The following HMGCLL1 variants were observed in gnomAD, a reference collection of about 807,000 sequenced individuals.
HMGCLL1 encodes the protein 3-hydroxymethyl-3-methylglutaryl-CoA lyase, cytoplasmic.
Under a neutral mutation model 39.1 loss-of-function variants are expected in HMGCLL1, and 36 were observed. That is an observed-to-expected ratio of 0.92 (90% CI 0.71 to 1.22). The LOEUF (loss-of-function observed/expected upper bound fraction) is 1.22, where lower values mean the gene tolerates loss of function less well. Ranked by LOEUF, HMGCLL1 falls within the 50% of genes most tolerant of loss-of-function variation. The probability of loss-of-function intolerance (pLI) is 0.00; values close to 1 mark genes in which losing one functional copy is unlikely to be tolerated. For synonymous variants in HMGCLL1, 149 were observed against 144.0 expected (o/e 1.03, Z -0.25); for missense variants, 451 against 416.5 (o/e 1.08, Z -0.72).
At chr6:55,656,208 C>T in the HMGCLL1 span, among the ~76,000 whole-genome samples, 1 of 151,862 alleles carries the variant, frequency 6.6e-6, no homozygotes, top group East Asian at 1.9e-4. Context: ...TTACCTAATT[C>T]ATTTCACAAG....
chr6:55,450,057 C>G (rs4276491), intron 7 of HMGCLL1, among the ~76,000 whole-genome samples: 10,170 of 152,054 alleles, frequency 0.067, 419 homozygotes, highest in East Asian at 0.17. Context: ...AGGTTCAAAT[C>G]CTGGGTTTTG....
chr6:55,516,832 G>A lies in HMGCLL1; in HGVS notation c.298-229C>T, dbSNP rs182928084. Among the ~76,000 whole-genome samples the A allele has an allele frequency of 2.6e-3, 390 of 152,140 alleles. 1 individual carries two copies. The highest frequency in any genetic ancestry group is 9.0e-3 in the African/African-American group (376 of 41,570). Reference sequence around the variant, plus strand: ...TACAGAATGGGATCTTGTAAAATGAGTTATTACAGATAGGAATTCGGAACT... The same window carrying A: ...TACAGAATGGGATCTTGTAAAATGAATTATTACAGATAGGAATTCGGAACT... On this transcript the variant is annotated intron_variant, in intron 3 of 8. Coordinates refer to ENST00000274901, the MANE Select transcript of HMGCLL1 (RefSeq NM_001042406.2).
chr6:55,539,389 T>C (rs535297022), intron 3 of HMGCLL1, among the ~76,000 whole-genome samples: 1 of 152,100 alleles, frequency 6.6e-6, no homozygotes, highest in Non-Finnish European at 1.5e-5. Context: ...CACATGCATG[T>C]GAATGTTCAT....
upstream of HMGCLL1, among the ~76,000 whole-genome samples, chr6:55,583,812 G>A (rs4715555): frequency 0.67 from 102,197 of 151,972 alleles, 35,281 homozygotes; most frequent in East Asian, 0.9. Context: ...TGGTGGTGCT[G>A]AGATTTGTTT....
At chr6:55,522,827 A>C (rs114030072) in intron 3 of HMGCLL1, among the ~76,000 whole-genome samples, 2 of 152,012 alleles carry the variant, frequency 1.3e-5, no homozygotes, top group South Asian at 4.1e-4. Flanking sequence ...GAAATTATTC[A>C]GTGTGTTTTT....
At chr6:55,598,618 A>T in the HMGCLL1 span, among the ~76,000 whole-genome samples, 1 of 152,230 alleles carries the variant, frequency 6.6e-6, no homozygotes, top group Non-Finnish European at 1.5e-5. Flanking sequence ...CTTTGTAGTC[A>T]TACCTCACAA....
chr6:55,651,020 T>G, the HMGCLL1 span, among the ~76,000 whole-genome samples: 1 of 152,048 alleles, frequency 6.6e-6, no homozygotes, highest in African/African-American at 2.4e-5. Context: ...AGAGCCTGCT[T>G]GTTGGTCTAT....
At chr6:55,511,792 T>G (rs1767476914) in intron 5 of HMGCLL1, among the ~76,000 whole-genome samples, 1 of 152,102 alleles carries the variant, frequency 6.6e-6, no homozygotes, top group South Asian at 2.1e-4. Context: ...AATAAGATAT[T>G]TTCAACTACA....
chr6:55,557,148 G>A (rs1185842376), intron 1 of HMGCLL1, among the ~76,000 whole-genome samples: 1 of 152,028 alleles, frequency 6.6e-6, no homozygotes, highest in African/African-American at 2.4e-5. Flanking sequence ...CCCCCAAACT[G>A]AGAATTCATC....
intron 3 of HMGCLL1, among the ~76,000 whole-genome samples, chr6:55,530,387 C>A (rs1056010207): frequency 2.6e-5 from 4 of 151,700 alleles, no homozygotes; most frequent in Admixed American, 1.3e-4. Context: ...CAAAATATAT[C>A]TTATATATTA....
the HMGCLL1 span, among the ~76,000 whole-genome samples, chr6:55,662,024 C>T: frequency 1.5e-4 from 22 of 151,664 alleles, no homozygotes; most frequent in Admixed American, 6.6e-4. Context: ...TAATGATTTT[C>T]GTATGTTGAT....
chr6:55,467,087 A>G (rs1051289069), intron 7 of HMGCLL1, among the ~76,000 whole-genome samples: 4 of 152,006 alleles, frequency 2.6e-5, no homozygotes, highest in Admixed American at 2.0e-4. Flanking sequence ...CCGTGGCCTT[A>G]CCATAATGTC....
At chr6:55,483,582 G>A (rs1223316345) in intron 7 of HMGCLL1, among the ~76,000 whole-genome samples, 2 of 152,100 alleles carry the variant, frequency 1.3e-5, no homozygotes, top group South Asian at 4.1e-4. Flanking sequence ...TTTATTAAAG[G>A]ACTAAGGCGT....
intron 1 of HMGCLL1, among the ~76,000 whole-genome samples, chr6:55,542,921 T>C (rs1444489772): frequency 7.7e-6 from 1 of 129,790 alleles, no homozygotes; most frequent in East Asian, 2.2e-4. Context: ...GTTATTAGAT[T>C]GTTATTATAT....
At chr6:55,440,988 A>G (rs919057808) in intron 7 of HMGCLL1, among the ~76,000 whole-genome samples, 1 of 152,188 alleles carries the variant, frequency 6.6e-6, no homozygotes, top group African/African-American at 2.4e-5. Context: ...AACATCTGTT[A>G]CAGAAAACAT....
chr6:55,585,261 G>A, the HMGCLL1 span, among the ~76,000 whole-genome samples: 1 of 152,046 alleles, frequency 6.6e-6, no homozygotes, highest in Non-Finnish European at 1.5e-5. Context: ...CCAGATGTAG[G>A]AGTCTATTTA....
At position 55,529,439 on chromosome 6, in the gene HMGCLL1, G is replaced by A. The variant is rs141138808; in HGVS notation, c.297+12290C>T. Among the ~76,000 whole-genome samples the A allele has an allele frequency of 3.3e-3, 506 of 152,040 alleles. 6 individuals carry two copies. The highest frequency in any genetic ancestry group is 0.011 in the African/African-American group (469 of 41,456). On this transcript the variant is annotated intron_variant, in intron 3 of 8. Coordinates refer to ENST00000274901, the MANE Select transcript of HMGCLL1 (RefSeq NM_001042406.2). ...AGTGGAGGGTAGGCCTGGGTTGTTG[G>A]AAGGAGACTAACTCACTGGTAATAA... is the stretch of plus-strand genomic sequence containing the variant.
rs187892261 is a variant in HMGCLL1, at chr6:55,522,718, T to G, written c.298-6115A>C. ...TCATACCCATTTATGATACATGTCA[T>G]TTCTATGTTTACTATTTTAACTTAA... is the stretch of plus-strand genomic sequence containing the variant. On this transcript the variant is annotated intron_variant, in intron 3 of 8. Transcript: ENST00000274901. 3.3e-5 allele frequency among the ~76,000 whole-genome samples: 5 copies of G among 152,212 alleles called. No individual in the cohort carries two copies. In the South Asian group the frequency reaches 6.2e-4, roughly 19 times the overall value.
the HMGCLL1 span, among the ~76,000 whole-genome samples, chr6:55,608,255 G>C: frequency 6.6e-6 from 1 of 152,150 alleles, no homozygotes; most frequent in Admixed American, 6.5e-5. Context: ...TGGGGACACT[G>C]TTACTTATAC....
Sources: allele counts gnomAD v4.1 joint callset (sites outside exome capture counted in the v4.1 genomes callset), GRCh38; gene constraint gnomAD v4.1.1; transcripts MANE v1.5; gene names NCBI Gene and HGNC (gene_info 2026-07-23, HGNC 2026-07-21).